The following NEK11 variants were observed in gnomAD, a reference collection of about 807,000 sequenced individuals.
NEK11 encodes the protein serine/threonine-protein kinase Nek11.
NEK11 carries 72 observed loss-of-function variants against 80.7 expected under a neutral mutation model. That is an observed-to-expected ratio of 0.89 (90% CI 0.74 to 1.08). The LOEUF (loss-of-function observed/expected upper bound fraction) is 1.08. NEK11 is among the 50% of genes least tolerant of loss of function. NEK11 has a pLI of 0.00. For synonymous variants in NEK11, 251 were observed against 260.7 expected, an observed-to-expected ratio of 0.96 and a Z score of 0.36; for missense variants, 764 against 763.6, an observed-to-expected ratio of 1.00 and a Z score of -0.01.
intron 17 of NEK11, among the ~76,000 whole-genome samples, chr3:131,277,989 C>G (rs1360923296): frequency 6.6e-6 from 1 of 152,202 alleles, no homozygotes; most frequent in Non-Finnish European, 1.5e-5. Flanking sequence ...TGAAAATCCC[C>G]AAGCCAAGTG....
At chr3:131,181,596 A>G (rs1157186261) in intron 14 of NEK11, among the ~76,000 whole-genome samples, 1 of 152,024 alleles carries the variant, frequency 6.6e-6, no homozygotes, top group African/African-American at 2.4e-5. Flanking sequence ...AATACAAAAA[A>G]TTAGCAGGGT....
At chr3:131,190,477 G>C (rs571152444) in intron 14 of NEK11, among the ~76,000 whole-genome samples, 2 of 152,062 alleles carry the variant, frequency 1.3e-5, no homozygotes, top group South Asian at 2.1e-4. Context: ...AAAGAGTGTA[G>C]CTTCTTCCCC....
chr3:131,227,578 T>G (rs761296209), intron 14 of NEK11, among the ~76,000 whole-genome samples: 2 of 152,180 alleles, frequency 1.3e-5, no homozygotes, highest in African/African-American at 4.8e-5. Context: ...AGACCAGAAA[T>G]AGCAACAATA....
intron 3 of NEK11, among the ~76,000 whole-genome samples, chr3:131,075,761 C>T (rs1446374797): frequency 6.6e-6 from 1 of 152,132 alleles, no homozygotes. Context: ...TGTGGTAACA[C>T]CTGAAAGTAC....
At chr3:131,250,211 TCTACGTGATTCAGCAC>T (rs1318759091) in intron 16 of NEK11, among the ~76,000 whole-genome samples, 8 of 151,828 alleles carry the variant, frequency 5.3e-5, no homozygotes, top group Admixed American at 6.6e-5. Context: ...AAGTGATTCA[TCTACGTGATTCAGCAC>T]CTAACAAATA....
intron 17 of NEK11, among the ~76,000 whole-genome samples, chr3:131,306,789 T>C (rs996879137): frequency 6.6e-6 from 1 of 152,192 alleles, no homozygotes; most frequent in African/African-American, 2.4e-5. Context: ...TGGAGGTATA[T>C]CTCACTCAAT....
At chr3:131,275,413 A>G (rs898076563) in intron 17 of NEK11, among the ~76,000 whole-genome samples, 1 of 152,156 alleles carries the variant, frequency 6.6e-6, no homozygotes, top group African/African-American at 2.4e-5. Context: ...TAAAATGAAA[A>G]TATTTTGCTA....
At chr3:131,136,499 G>T (rs1289653361) in intron 7 of NEK11, among the ~76,000 whole-genome samples, 1 of 152,024 alleles carries the variant, frequency 6.6e-6, no homozygotes, top group Non-Finnish European at 1.5e-5. Context: ...TTTTGTTTTA[G>T]CACTAATAGC....
intron 14 of NEK11, among the ~76,000 whole-genome samples, chr3:131,202,972 C>T (rs2094299109): frequency 6.7e-6 from 1 of 148,816 alleles, no homozygotes; most frequent in Non-Finnish European, 1.5e-5. Context: ...TACTTTTACA[C>T]TGTTGGTGGG....
At chr3:131,060,736 A>G (rs533590727) in intron 3 of NEK11, among the ~76,000 whole-genome samples, 36 of 152,314 alleles carry the variant, frequency 2.4e-4, no homozygotes, top group Non-Finnish European at 4.3e-4. Context: ...TTGTTTTCCA[A>G]AGTGGCTGTA....
chr3:131,332,365 G>A (rs946464072), intron 17 of NEK11, among the ~76,000 whole-genome samples: 2 of 152,248 alleles, frequency 1.3e-5, no homozygotes, highest in African/African-American at 4.8e-5. Flanking sequence ...AGGGTCTGGA[G>A]TGGACCTCTA....
chr3:131,055,960 T>C (rs1031349929), intron 3 of NEK11, among the ~76,000 whole-genome samples: 1 of 152,208 alleles, frequency 6.6e-6, no homozygotes, highest in Non-Finnish European at 1.5e-5. Context: ...TTCTTACTTA[T>C]GTTTATGTTT....
intron 17 of NEK11, among the ~76,000 whole-genome samples, chr3:131,278,395 T>G (rs553629794): frequency 4.6e-5 from 7 of 152,166 alleles, no homozygotes; most frequent in Non-Finnish European, 7.3e-5. Flanking sequence ...TTGCTATTCA[T>G]GTATGGATAG....
intron 17 of NEK11, among the ~76,000 whole-genome samples, chr3:131,338,196 CCCTCGTGATCCACTGG>C (rs1445997525): frequency 6.6e-6 from 1 of 151,212 alleles, no homozygotes; most frequent in African/African-American, 2.4e-5. Context: ...TGATCTCCTG[CCCTCGTGATCCACTGG>C]CCTCGGCCTC....
At chr3:131,035,853 T>C (rs2065558671) in intron 3 of NEK11, among the ~76,000 whole-genome samples, 1 of 152,200 alleles carries the variant, frequency 6.6e-6, no homozygotes, top group Non-Finnish European at 1.5e-5. Flanking sequence ...ATGGAACAGC[T>C]GTATGTACAT....
At chr3:131,193,504 TAAAC>T (rs1285106357) in intron 14 of NEK11, among the ~76,000 whole-genome samples, 10 of 152,132 alleles carry the variant, frequency 6.6e-5, no homozygotes, top group Non-Finnish European at 4.4e-5. Context: ...TCTGCACTAT[TAAAC>T]AATTTTAATA....
chr3:131,029,017 A>G (rs994146096), intron 2 of NEK11, among the ~76,000 whole-genome samples: 2 of 152,254 alleles, frequency 1.3e-5, no homozygotes, highest in Non-Finnish European at 2.9e-5. Context: ...CACAATGTGT[A>G]CAATAGGAAC....
At chr3:131,201,668 G>A (rs1580070338) in intron 14 of NEK11, among the ~76,000 whole-genome samples, 1 of 152,148 alleles carries the variant, frequency 6.6e-6, no homozygotes, top group East Asian at 1.9e-4. Flanking sequence ...ATCATGAGTG[G>A]AGATTTTTCT....
At chr3:131,088,345 C>T (rs2076287895) in intron 4 of NEK11, among the ~76,000 whole-genome samples, 2 of 151,898 alleles carry the variant, frequency 1.3e-5, no homozygotes, top group African/African-American at 4.8e-5. Flanking sequence ...ATATTTTGAC[C>T]TTTTAATGAA....
Sources: gnomAD v4.1 joint callset for allele counts (sites outside exome capture counted in the v4.1 genomes callset) on GRCh38, gnomAD v4.1.1 for gene constraint, MANE v1.5 for transcripts, NCBI Gene and HGNC (gene_info 2026-07-23, HGNC 2026-07-21) for gene names.